The following FAM222A variants were observed in gnomAD, a reference collection of about 807,000 sequenced individuals.
The protein encoded by FAM222A is family with sequence similarity 222 member A.
Under a neutral mutation model 25.8 loss-of-function variants are expected in FAM222A, and 7 were observed. That is an observed-to-expected ratio of 0.27 (90% CI 0.15 to 0.51). The LOEUF is 0.51. Ranked by LOEUF, FAM222A falls within the 20% of genes least tolerant of loss-of-function variation. The pLI is 0.97. For synonymous variants in FAM222A, 294 were observed against 298.8 expected (o/e 0.98, Z 0.17); for missense variants, 573 against 640.5 (o/e 0.89, Z 1.14).
At chr12:109,756,484 T>C (rs1888735490) in intron 2 of FAM222A, among the ~76,000 whole-genome samples, 1 of 151,930 alleles carries the variant, frequency 6.6e-6, no homozygotes, top group Admixed American at 6.6e-5. Flanking sequence ...TATTCCTGAT[T>C]GTAGAGGGAA....
intron 1 of FAM222A, among the ~76,000 whole-genome samples, chr12:109,715,912 C>T (rs1230070089): frequency 6.6e-6 from 1 of 152,198 alleles, no homozygotes; most frequent in East Asian, 1.9e-4. Context: ...AATGTGGGTG[C>T]CCCTCCCCCA....
chr12:109,724,476 A>C (rs1431890228), intron 1 of FAM222A, among the ~76,000 whole-genome samples: 1 of 152,182 alleles, frequency 6.6e-6, no homozygotes, highest in African/African-American at 2.4e-5. Flanking sequence ...CCTGGTGCCC[A>C]GCCTGGCTCT....
Position 109,768,337 on chromosome 12 carries a change from G to A in FAM222A, c.408G>A (p.Leu136=). 1 of 1,597,008 alleles carries A rather than the reference G, an allele frequency of 6.3e-7. No individual in the cohort carries two copies. Among genetic ancestry groups the A allele is most frequent in the Non-Finnish European group, 8.5e-7 (1 of 1,174,340 alleles). Residue 136 remains leucine, a synonymous_variant, in exon 3 of 3, where the codon CTG becomes CTA. Transcript: ENST00000538780. ...LKSAEGKRTK[L]SPAAVQVGIA... is the part of the protein sequence containing the mutation. The stretch of plus-strand genomic sequence containing the variant: ...GCGCCGAGGGCAAGCGGACCAAGCT[G>A]TCACCGGCCGCCGTGCAGGTGGGCA...
rs1255213958 is a variant in FAM222A at position 109,768,358 on chromosome 12, G to A, written c.429G>A (p.Val143=). 1 of 1,596,558 alleles carries A rather than the reference G, an allele frequency of 6.3e-7. No homozygotes were observed. The highest frequency in any genetic ancestry group is 1.3e-5 in the African/African-American group (1 of 74,684). Residue 143 remains valine (V), a synonymous_variant, in exon 3 of 3, where the codon GTG becomes GTA. Transcript: ENST00000538780. The part of the protein sequence containing the change: ...RTKLSPAAVQ[V]GIAPYPVPST... ...AGCTGTCACCGGCCGCCGTGCAGGT[G>A]GGCATTGCGCCCTACCCAGTGCCCA...
At position 109,713,884 on chromosome 12, in the gene FAM222A, T is replaced by A. The variant is rs1337554225; in HGVS notation, c.-1060T>A. 1.4e-5 allele frequency among the ~76,000 whole-genome samples: 2 copies of A among 147,472 alleles called. No individual in the cohort carries two copies. Among genetic ancestry groups the A allele is most frequent in the Non-Finnish European group, 3.0e-5 (2 of 66,386 alleles). On this transcript the variant is annotated 5_prime_UTR_variant, in exon 1 of 3. Transcript: ENST00000538780. The stretch of plus-strand genomic sequence containing the variant: ...CTGGCCGGCTGCTCCGCGGAGAGGC[T>A]GCGCGCGCCGGCCGGGGGAGGCGGA...
chr12:109,719,935 G>C (rs1887717869), intron 1 of FAM222A, among the ~76,000 whole-genome samples: 1 of 152,178 alleles, frequency 6.6e-6, no homozygotes, highest in African/African-American at 2.4e-5. Context: ...CCCGGTGAGA[G>C]AGAGCACCTG....
intron 1 of FAM222A, among the ~76,000 whole-genome samples, chr12:109,718,752 T>C (rs1592775735): frequency 6.6e-6 from 1 of 152,220 alleles, no homozygotes; most frequent in African/African-American, 2.4e-5. Flanking sequence ...GCATCCAAGG[T>C]AATCACTTTT....
chr12:109,730,037 CCTT>C lies in FAM222A; in HGVS notation c.-46-14060_-46-14058del, dbSNP rs1462937481. ...TGACCACCGCGCCTTCTCTGTGGCT[CCTT>C]CTTGCCTGTGGGTGGTGTGCCAAGG... is the stretch of plus-strand genomic sequence containing the variant. On this transcript the variant is annotated intron_variant, in intron 1 of 2. Transcript: ENST00000538780. Among the ~76,000 whole-genome samples, 41 of 152,314 alleles carry C rather than the reference CCTT, an allele frequency of 2.7e-4. 1 individual carries two copies. Among genetic ancestry groups the C allele is most frequent in the Middle Eastern group, 6.8e-3 (2 of 294 alleles).
rs139443085 is a variant in FAM222A at position 109,741,653 on chromosome 12, G to C, written c.-46-2448G>C. 6.3e-3 allele frequency among the ~76,000 whole-genome samples: 960 copies of C among 152,354 alleles called. 10 individuals are homozygous for C. Among genetic ancestry groups the C allele is most frequent in the Non-Finnish European group, 7.0e-3 (478 of 68,024 alleles). ...CTGGACTTCTGGACCCCAGTAAAAGGCTGGAGATAGGGCCGGGCATGGCCA... is the reference window on the plus strand; with the variant it reads ...CTGGACTTCTGGACCCCAGTAAAAGCCTGGAGATAGGGCCGGGCATGGCCA... On this transcript the variant is annotated intron_variant, in intron 1 of 2. Transcript: ENST00000538780.
intron 1 of FAM222A, among the ~76,000 whole-genome samples, chr12:109,721,216 T>G (rs1405475287): frequency 6.6e-6 from 1 of 152,190 alleles, no homozygotes; most frequent in Non-Finnish European, 1.5e-5. Flanking sequence ...ACCCCCTTCA[T>G]TATCCACACA....
chr12:109,768,588 G>T lies in FAM222A; in HGVS notation c.659G>T (p.Cys220Phe). 1 of 1,601,998 alleles carries T rather than the reference G, an allele frequency of 6.2e-7. No homozygotes were observed. ...CQAPGAAPPA[C>F]QGMAIPHPSP... ...GCCCCGGGCGCCGCACCCCCTGCCTGCCAGGGCATGGCTATTCCCCATCCC... is the reference window on the plus strand; with the variant it reads ...GCCCCGGGCGCCGCACCCCCTGCCTTCCAGGGCATGGCTATTCCCCATCCC... Residue 220 changes from cysteine to phenylalanine, a missense_variant, in exon 3 of 3, where the codon TGC (cysteine) becomes TTC (phenylalanine). Around this residue, in one of 3 missense-constraint regions of FAM222A, gnomAD observed 412 missense variants for 407.0 expected, o/e 1.01. Transcript: ENST00000538780.
intron 2 of FAM222A, among the ~76,000 whole-genome samples, chr12:109,758,247 G>C (rs1323995951): frequency 6.6e-6 from 1 of 152,152 alleles, no homozygotes; most frequent in Non-Finnish European, 1.5e-5. Flanking sequence ...TGAGAGGCAG[G>C]GTCCTTTGTA....
intron 2 of FAM222A, chr12:109,744,631 C>G (rs997051259): frequency 1.0e-6 from 1 of 985,418 alleles, no homozygotes; most frequent in Non-Finnish European, 1.2e-6. Context: ...GCTGTGTGGT[C>G]TTGGGTGTTT....
Position 109,769,343 on chromosome 12 carries a change from G to T in FAM222A, c.*55G>T. The T allele has an allele frequency of 6.6e-7, 1 of 1,510,652 alleles. No individual in the cohort carries two copies. Among genetic ancestry groups the T allele is most frequent in the South Asian group, 1.3e-5 (1 of 76,774 alleles). 93.6% of individuals were successfully genotyped at this position (1,510,652 alleles called of 1,614,324 possible). A position where few individuals can be genotyped will look rare whatever the true frequency, so the allele number is the denominator to read the frequency against. On this transcript the variant is annotated 3_prime_UTR_variant, in exon 3 of 3. Transcript: ENST00000538780. The stretch of plus-strand genomic sequence containing the variant: ...GACAGGGCGCAGAGCCGGGAGGCAG[G>T]CCGCAGAACAGGGTGGGCGGCTCGC...
chr12:109,750,355 G>T (rs757193749), intron 2 of FAM222A, among the ~76,000 whole-genome samples: 1 of 152,092 alleles, frequency 6.6e-6, no homozygotes, highest in African/African-American at 2.4e-5. Flanking sequence ...GATATGTTTT[G>T]ATTCCAGCTA....
chr12:109,769,912 C>T lies in FAM222A; in HGVS notation c.*624C>T, dbSNP rs1277938635. On this transcript the variant is annotated 3_prime_UTR_variant, in exon 3 of 3. Coordinates refer to ENST00000538780, the MANE Select transcript of FAM222A (RefSeq NM_032829.3). Reference sequence around the variant, plus strand: ...TCCTAACACAGAGTTGCACCCCCATCCCCATTCTCCAAACCCTGGACTACC... The same window carrying T: ...TCCTAACACAGAGTTGCACCCCCATTCCCATTCTCCAAACCCTGGACTACC... 6.5e-6 allele frequency: 1 copy of T among 153,006 alleles called. No homozygotes were observed. Among genetic ancestry groups the T allele is most frequent in the Non-Finnish European group, 1.5e-5 (1 of 68,746 alleles). The allele number at this position is 153,006 out of a possible 1,614,324, so 9.5% of individuals were successfully genotyped here.
chr12:109,744,891 G>A, intron 2 of FAM222A: 1 of 572,238 alleles, frequency 1.7e-6, no homozygotes, highest in Non-Finnish European at 2.2e-6. Flanking sequence ...GCTATGGTTA[G>A]AGCTGAATGA....
chr12:109,747,382 A>G (rs549781796), intron 2 of FAM222A, among the ~76,000 whole-genome samples: 5 of 152,290 alleles, frequency 3.3e-5, no homozygotes, highest in Non-Finnish European at 7.4e-5. Context: ...GTCATGAGCC[A>G]CCGTGCCCAG....
At chr12:109,719,485 A>C (rs1265885060) in intron 1 of FAM222A, among the ~76,000 whole-genome samples, 1 of 152,208 alleles carries the variant, frequency 6.6e-6, no homozygotes, top group African/African-American at 2.4e-5. Flanking sequence ...GTCAAGTGAT[A>C]AGAAATCAGA....
Sources: allele counts gnomAD v4.1 joint callset (sites outside exome capture counted in the v4.1 genomes callset), GRCh38; gene constraint gnomAD v4.1.1; regional missense constraint gnomAD v4.1.1; transcripts MANE v1.5; gene names NCBI Gene and HGNC (gene_info 2026-07-23, HGNC 2026-07-21).